The following STN1 variants were observed in gnomAD, a reference collection of about 807,000 sequenced individuals.
STN1 encodes the protein CST complex subunit STN1.
A neutral mutation model predicts 45.5 loss-of-function variants in STN1; 29 were observed. The observed-to-expected ratio is 0.64, with a 90% CI of 0.47 to 0.87. The LOEUF (loss-of-function observed/expected upper bound fraction) is 0.87. STN1 is among the 40% of genes least tolerant of loss of function. STN1 has a pLI of 0.00. For missense variants in STN1, 376 were observed against 441.4 expected (o/e 0.85, Z 1.33); for synonymous variants, 148 against 159.0 (o/e 0.93, Z 0.52).
intron 6 of STN1, among the ~76,000 whole-genome samples, chr10:103,898,135 C>A (rs1476064245): frequency 6.6e-6 from 1 of 152,152 alleles, no homozygotes; most frequent in Non-Finnish European, 1.5e-5. Context: ...GGAGAATTTT[C>A]ACTTTTTATA....
At position 103,897,680 on chromosome 10, in the gene STN1, C is replaced by T. The variant is rs200840790; in HGVS notation, c.621G>A (p.Leu207=). ...GGAATTCTTTGGCTTTTTCACTCAG[C>T]AAACTCGTGAGACTGGGGAGGTCCA... ...GALDLPSLTS[L]LSEKAKEFLM... is the part of the protein sequence containing the mutation. The change falls in exon 7 of 10, where the codon TTG becomes TTA. Residue 207 remains leucine (L), a synonymous_variant. Coordinates refer to ENST00000224950, the MANE Select transcript of STN1 (RefSeq NM_024928.5). 4 of 1,614,202 alleles carry T rather than the reference C, an allele frequency of 2.5e-6. No homozygotes were observed. The East Asian group carries it at 8.9e-5, about 36-fold the overall frequency.
At chr10:103,889,711 T>C (rs1385260177) in intron 8 of STN1, among the ~76,000 whole-genome samples, 1 of 45,132 alleles carries the variant, frequency 2.2e-5, no homozygotes, top group Non-Finnish European at 6.1e-5. Flanking sequence ...TTTTTTTTTT[T>C]TTTTTTTTGA....
intron 2 of STN1, among the ~76,000 whole-genome samples, chr10:103,910,974 GAAGGA>G: frequency 6.8e-6 from 1 of 148,088 alleles, no homozygotes; most frequent in Admixed American, 6.8e-5. Context: ...GAAGCAACTA[GAAGGA>G]AAGAGAGAGG....
intron 4 of STN1, among the ~76,000 whole-genome samples, chr10:103,900,746 A>T (rs1029503559): frequency 5.0e-5 from 6 of 120,160 alleles, no homozygotes; most frequent in Admixed American, 8.8e-5. Context: ...TCTCTCTCTC[A>T]CACTTTCTCC....
intron 4 of STN1, among the ~76,000 whole-genome samples, chr10:103,903,307 G>A (rs1589500851): frequency 6.6e-6 from 1 of 152,068 alleles, no homozygotes; most frequent in Non-Finnish European, 1.5e-5. Flanking sequence ...GAACAAGTAC[G>A]CATATTCAAA....
chr10:103,907,950 GA>G (rs1414868634), intron 3 of STN1, among the ~76,000 whole-genome samples: 1 of 152,012 alleles, frequency 6.6e-6, no homozygotes, highest in Admixed American at 6.5e-5. Flanking sequence ...CCAACATGGT[GA>G]AACTACAACT....
chr10:103,910,772 G>A, intron 2 of STN1, 150 bp from the exon 3 acceptor site: 2 of 548,932 alleles, frequency 3.6e-6, no homozygotes, highest in South Asian at 2.2e-5. Context: ...CTTGACAAAT[G>A]ACAACGCCCC....
intron 2 of STN1, among the ~76,000 whole-genome samples, chr10:103,914,374 ATTTT>A (rs1264013304): frequency 1.0e-5 from 1 of 97,416 alleles, no homozygotes; most frequent in African/African-American, 4.9e-5. Flanking sequence ...ATATATATAT[ATTTT>A]TTTTTTTTTT....
rs1843052471 is a variant in STN1 at position 103,879,413 on chromosome 10, T to G, written c.*3271A>C. 1 of 152,322 alleles carries G rather than the reference T, an allele frequency of 6.6e-6. No homozygotes were observed. The highest frequency in any genetic ancestry group is 1.5e-5 in the Non-Finnish European group (1 of 68,224). The allele number at this position is 152,322 out of a possible 1,614,324, so 9.4% of individuals were successfully genotyped here. Reference sequence around the variant, plus strand: ...TCTGGGAAGGGGGACAGGAGATGGGTTGCAAACAGCGAAAGAGGAATGAGG... The same window carrying G: ...TCTGGGAAGGGGGACAGGAGATGGGGTGCAAACAGCGAAAGAGGAATGAGG... On this transcript the variant is annotated 3_prime_UTR_variant, in exon 10 of 10. Coordinates refer to ENST00000224950, the MANE Select transcript of STN1 (RefSeq NM_024928.5).
intron 3 of STN1, among the ~76,000 whole-genome samples, chr10:103,907,996 G>C (rs756719792): frequency 6.6e-6 from 1 of 151,986 alleles, no homozygotes; most frequent in Non-Finnish European, 1.5e-5. Flanking sequence ...GGGTGTGGTG[G>C]TAAGCACCTG....
intron 9 of STN1, among the ~76,000 whole-genome samples, chr10:103,884,822 G>A (rs1843093053): frequency 6.6e-6 from 1 of 152,186 alleles, no homozygotes; most frequent in Admixed American, 6.5e-5. Context: ...AAGGTTCAGA[G>A]ACTGCTCCTG....
chr10:103,894,480 T>C (rs770651734), intron 7 of STN1, among the ~76,000 whole-genome samples: 2 of 152,132 alleles, frequency 1.3e-5, no homozygotes, highest in Non-Finnish European at 2.9e-5. Context: ...TAAACAATAC[T>C]TGAAGCTTCC....
chr10:103,906,529 T>C (rs1183262644), intron 3 of STN1, among the ~76,000 whole-genome samples: 1 of 152,040 alleles, frequency 6.6e-6, no homozygotes, highest in East Asian at 1.9e-4. Flanking sequence ...GGCTTGGTGG[T>C]ATGTGCCTGT....
chr10:103,888,180 C>T (rs1269801642), intron 9 of STN1, among the ~76,000 whole-genome samples: 1 of 152,204 alleles, frequency 6.6e-6, no homozygotes, highest in Non-Finnish European at 1.5e-5. Context: ...ACCATAAACA[C>T]CAGTGCTGGA....
chr10:103,917,416 G>T, intron 2 of STN1, 46 bp downstream of exon 2: 2 of 1,581,936 alleles, frequency 1.3e-6, no homozygotes, highest in African/African-American at 1.3e-5. Context: ...TTTGGGAAAG[G>T]GTGGCAGATG....
rs987830912 is a variant in STN1, at chr10:103,878,249, C to G, written c.*4435G>C. 1.3e-5 allele frequency: 2 copies of G among 152,248 alleles called. No individual in the cohort carries two copies. Among genetic ancestry groups the G allele is most frequent in the African/African-American group, 4.8e-5 (2 of 41,456 alleles). 9.4% of individuals were successfully genotyped at this position (152,248 alleles called of 1,614,324 possible). A position where few individuals can be genotyped will look rare whatever the true frequency, so the allele number is the denominator to read the frequency against. On this transcript the variant is annotated 3_prime_UTR_variant, in exon 10 of 10. Transcript: ENST00000224950. The stretch of plus-strand genomic sequence containing the variant: ...TCACACCTCCTGAAACATGTGCACA[C>G]TAAGAGAACTGGAGAATGTTTGCTC...
At chr10:103,913,686 G>A (rs1399389795) in intron 2 of STN1, among the ~76,000 whole-genome samples, 4 of 152,180 alleles carry the variant, frequency 2.6e-5, no homozygotes, top group Non-Finnish European at 5.9e-5. Flanking sequence ...CCATTTTCTT[G>A]TATCAAAGTG....
intron 7 of STN1, 128 bp downstream of exon 7, chr10:103,897,420 C>A: frequency 1.2e-6 from 1 of 815,920 alleles, no homozygotes; most frequent in Admixed American, 2.5e-5. Context: ...TAATGTGTGA[C>A]AGAACCATTC....
chr10:103,907,894 C>T (rs186705120), intron 3 of STN1, among the ~76,000 whole-genome samples: 82 of 151,992 alleles, frequency 5.4e-4, no homozygotes, highest in Non-Finnish European at 8.1e-4. Flanking sequence ...TTTGGGAGGC[C>T]GAGGTGGGCA....
Sources: gnomAD v4.1 joint callset for allele counts (sites outside exome capture counted in the v4.1 genomes callset) on GRCh38, gnomAD v4.1.1 for gene constraint, MANE v1.5 for transcripts, NCBI Gene and HGNC (gene_info 2026-07-23, HGNC 2026-07-21) for gene names.